The following DSCAM variants were observed in gnomAD, a reference collection of about 807,000 sequenced individuals.
DSCAM encodes the protein cell adhesion molecule DSCAM.
In DSCAM, 47 loss-of-function variants were observed where a neutral mutation model predicts 217.7. That is an observed-to-expected ratio of 0.22 (90% confidence interval 0.17 to 0.28). DSCAM has a LOEUF of 0.28. Ranked by LOEUF, DSCAM falls within the 10% of genes least tolerant of loss-of-function variation. DSCAM has a pLI of 1.00. For missense variants in DSCAM, 2,080 were observed against 2,618.3 expected (o/e 0.79, Z 4.49); for synonymous variants, 1,056 against 1,015.3 (o/e 1.04, Z -0.76).
At position 40,353,499 on chromosome 21, in the gene DSCAM, T is replaced by C. The variant is rs1387003100; in HGVS notation, c.900A>G (p.Gly300=). ...SYVCEVSNRY[G]TAKVIGRLYV... The stretch of plus-strand genomic sequence containing the variant: ...ACAGGCGGCCTATCACCTTAGCAGT[T>C]CCGTATCTGTTGGACACTTCACAAA... Residue 300 remains glycine, a synonymous_variant, in exon 5 of 33, where the codon GGA becomes GGG. Coordinates refer to ENST00000400454, the MANE Select transcript of DSCAM (RefSeq NM_001389.5). 5 of 1,611,322 alleles carry C rather than the reference T, an allele frequency of 3.1e-6. No individual in the cohort carries two copies. The highest frequency in any genetic ancestry group is 4.2e-6 in the Non-Finnish European group (5 of 1,179,088).
rs535254446 is a variant in DSCAM at position 40,199,992 on chromosome 21, C to T, written c.2357-10754G>A. Among the ~76,000 whole-genome samples, 106 of 147,822 alleles carry T rather than the reference C, an allele frequency of 7.2e-4. 1 individual carries two copies. Among genetic ancestry groups the T allele is most frequent in the African/African-American group, 2.1e-3 (85 of 39,986 alleles). On this transcript the variant is annotated intron_variant, in intron 11 of 32. Coordinates refer to ENST00000400454, the MANE Select transcript of DSCAM (RefSeq NM_001389.5). ...CACAGTAGTATCTTCCCAGTCACAG[C>T]GAATACTTGCTGTCCTCAGGATTCT...
intron 1 of DSCAM, among the ~76,000 whole-genome samples, chr21:40,761,165 T>C (rs1174715532): frequency 2.0e-5 from 3 of 152,200 alleles, no homozygotes; most frequent in Non-Finnish European, 2.9e-5. Flanking sequence ...TAGTGGACTT[T>C]ATCATCCTTG....
chr21:40,422,581 G>T (rs2075435335), intron 3 of DSCAM, among the ~76,000 whole-genome samples: 1 of 152,152 alleles, frequency 6.6e-6, no homozygotes, highest in Admixed American at 6.5e-5. Context: ...GGCGGAGGTT[G>T]CAGTGAGCCA....
At chr21:40,606,054 G>T (rs2089232984) in intron 3 of DSCAM, among the ~76,000 whole-genome samples, 2 of 151,986 alleles carry the variant, frequency 1.3e-5, no homozygotes, top group African/African-American at 4.8e-5. Context: ...ACCCACCCTG[G>T]CCTCCCAAAG....
intron 27 of DSCAM, among the ~76,000 whole-genome samples, chr21:40,070,229 A>G (rs1265728287): frequency 6.2e-5 from 9 of 145,914 alleles, no homozygotes; most frequent in Admixed American, 5.4e-4. Context: ...AGAGAAGGGG[A>G]AAGGAAGGAA....
chr21:40,243,265 T>A (rs1482656876), intron 11 of DSCAM, among the ~76,000 whole-genome samples: 1 of 152,144 alleles, frequency 6.6e-6, no homozygotes, highest in Admixed American at 6.5e-5. Flanking sequence ...AGGAAAAAAA[T>A]AATAAAGTGA....
At chr21:40,237,263 A>T (rs1268935954) in intron 11 of DSCAM, among the ~76,000 whole-genome samples, 1 of 152,178 alleles carries the variant, frequency 6.6e-6, no homozygotes, top group African/African-American at 2.4e-5. Flanking sequence ...TGTGGAGAAC[A>T]TGCAGGTTTG....
chr21:40,828,472 C>T (rs2091987262), intron 1 of DSCAM, among the ~76,000 whole-genome samples: 2 of 152,058 alleles, frequency 1.3e-5, no homozygotes, highest in Admixed American at 1.3e-4. Flanking sequence ...GGCTTACCTG[C>T]TAGTTCTCCC....
At chr21:40,356,716 T>C (rs2074697335) in intron 4 of DSCAM, among the ~76,000 whole-genome samples, 1 of 152,208 alleles carries the variant, frequency 6.6e-6, no homozygotes, top group African/African-American at 2.4e-5. Flanking sequence ...GATAAAAGCC[T>C]GGTCCCTTGT....
chr21:40,079,584 A>G (rs1292630165), intron 25 of DSCAM, among the ~76,000 whole-genome samples: 1 of 152,150 alleles, frequency 6.6e-6, no homozygotes, highest in African/African-American at 2.4e-5. Flanking sequence ...GCCTGCAAAG[A>G]CATCTCCTCA....
intron 3 of DSCAM, among the ~76,000 whole-genome samples, chr21:40,528,898 CTTTTTT>C (rs911356584): frequency 4.0e-5 from 4 of 99,396 alleles, no homozygotes; most frequent in East Asian, 6.9e-4. Flanking sequence ...AGGCTTTCCA[CTTTTTT>C]TTTTTTTTTT....
intron 4 of DSCAM, among the ~76,000 whole-genome samples, chr21:40,362,650 G>A (rs541736892): frequency 6.6e-6 from 1 of 152,264 alleles, no homozygotes; most frequent in East Asian, 1.9e-4. Context: ...TCTGAACTAA[G>A]GTTATTTGGT....
At chr21:40,031,824 G>A (rs2088530805) in intron 32 of DSCAM, among the ~76,000 whole-genome samples, 1 of 152,204 alleles carries the variant, frequency 6.6e-6, no homozygotes, top group African/African-American at 2.4e-5. Context: ...TGGGAGACAA[G>A]CCATCATTTC....
At chr21:40,193,149 G>A (rs2090969987) in intron 11 of DSCAM, among the ~76,000 whole-genome samples, 2 of 152,162 alleles carry the variant, frequency 1.3e-5, no homozygotes, top group African/African-American at 2.4e-5. Flanking sequence ...AACAATTTAA[G>A]TTCAACCATT....
chr21:40,057,329 TAATC>T (rs1324297475), intron 28 of DSCAM, among the ~76,000 whole-genome samples: 4 of 152,280 alleles, frequency 2.6e-5, no homozygotes, highest in East Asian at 3.9e-4. Context: ...AAAATTCAAA[TAATC>T]AAATAAAAGG....
Position 40,343,822 on chromosome 21 carries a change from TTTTAC to T in DSCAM, c.1210+3843_1210+3847del, listed in dbSNP as rs929443768. Reference sequence around the variant, plus strand: ...TACTCTATAATAAAGTGTTATTTTATTTTACTTTATTTTATTTATTATTATTTTAT... The same window carrying T: ...TACTCTATAATAAAGTGTTATTTTATTTTATTTTATTTATTATTATTTTAT... On this transcript the variant is annotated intron_variant, in intron 6 of 32. Coordinates refer to ENST00000400454, the MANE Select transcript of DSCAM (RefSeq NM_001389.5). Among the ~76,000 whole-genome samples the T allele has an allele frequency of 6.0e-4, 90 of 150,896 alleles. 1 individual carries two copies. The highest frequency in any genetic ancestry group is 9.9e-4 in the Non-Finnish European group (67 of 67,722).
chr21:40,532,512 A>C (rs2076455268), intron 3 of DSCAM, among the ~76,000 whole-genome samples: 1 of 152,188 alleles, frequency 6.6e-6, no homozygotes, highest in Admixed American at 6.5e-5. Flanking sequence ...AGCTATAGGG[A>C]AACATAAAGG....
chr21:40,648,538 T>C (rs983871808), intron 3 of DSCAM, among the ~76,000 whole-genome samples: 7 of 152,302 alleles, frequency 4.6e-5, no homozygotes, highest in African/African-American at 1.7e-4. Context: ...ATCCACAGAC[T>C]GGATTGAGAA....
At chr21:40,312,612 G>T (rs1192641965) in intron 8 of DSCAM, among the ~76,000 whole-genome samples, 2 of 152,126 alleles carry the variant, frequency 1.3e-5, no homozygotes, top group Non-Finnish European at 2.9e-5. Context: ...AATTATTTTT[G>T]AATGAAAACA....
Sources: gnomAD v4.1 joint callset for allele counts (sites outside exome capture counted in the v4.1 genomes callset) on GRCh38, gnomAD v4.1.1 for gene constraint, MANE v1.5 for transcripts, NCBI Gene and HGNC (gene_info 2026-07-23, HGNC 2026-07-21) for gene names.